MYOCD: variants seen among roughly 807,000 people sequenced by gnomAD.
MYOCD encodes the protein myocardin.
MYOCD carries 32 observed loss-of-function variants against 96.1 expected under a neutral mutation model. The ratio of observed to expected loss-of-function variants is 0.33; its 90% CI spans 0.25 to 0.45. The LOEUF (loss-of-function observed/expected upper bound fraction) is 0.45. Ranked by LOEUF, MYOCD falls within the 20% of genes least tolerant of loss-of-function variation. The pLI is 1.00. For synonymous variants in MYOCD, 469 were observed against 469.0 expected, an observed-to-expected ratio of 1.00 and a Z score of 0.00; for missense variants, 1,133 against 1,200.6, an observed-to-expected ratio of 0.94 and a Z score of 0.83.
chr17:12,739,655 A>G (rs910165339), intron 7 of MYOCD, among the ~76,000 whole-genome samples: 24 of 152,234 alleles, frequency 1.6e-4, no homozygotes, highest in African/African-American at 5.5e-4. Context: ...CAGGATTTGC[A>G]AGTTTCATAA....
rs1555534148 is a variant in MYOCD, at chr17:12,741,715, AT to A, written c.717+2388del. ...ACAGAGCGAGACTCTGTATATATATATAAAAAAAAAAAAAATTAGCAAAGCC... is the reference window on the plus strand; with the variant it reads ...ACAGAGCGAGACTCTGTATATATATAAAAAAAAAAAAAAATTAGCAAAGCC... On this transcript the variant is annotated intron_variant, in intron 7 of 13. Transcript: ENST00000425538. Among the ~76,000 whole-genome samples, 555 of 144,342 alleles carry A rather than the reference AT, an allele frequency of 3.8e-3. 4 individuals carry two copies. Among genetic ancestry groups the A allele is most frequent in the African/African-American group, 0.011 (437 of 39,380 alleles). The allele number at this position is 144,342 out of a possible 152,430, so 94.7% of individuals were successfully genotyped here.
intron 6 of MYOCD, 151 bp from the exon 7 acceptor site, chr17:12,739,052 T>A: frequency 1.3e-6 from 1 of 773,550 alleles, no homozygotes; most frequent in Non-Finnish European, 2.1e-6. Context: ...CATATACGTA[T>A]GTGACTCCTC....
At chr17:12,752,077 C>T (rs2032867445) in intron 9 of MYOCD, among the ~76,000 whole-genome samples, 1 of 152,110 alleles carries the variant, frequency 6.6e-6, no homozygotes, top group Non-Finnish European at 1.5e-5. Flanking sequence ...TGTCTAAACC[C>T]AGGCAGATAT....
rs543470273 is a variant in MYOCD, at chr17:12,706,043, G to GA, written c.121+856dup. The GA allele has an allele frequency of 1.9e-3, 291 of 152,278 alleles. 1 individual carries two copies. The highest frequency in any genetic ancestry group is 6.6e-3 in the African/African-American group (276 of 41,566). 9.4% of individuals were successfully genotyped at this position (152,278 alleles called of 1,614,324 possible). A position where few individuals can be genotyped will look rare whatever the true frequency, so the allele number is the denominator to read the frequency against. On this transcript the variant is annotated intron_variant, in intron 2 of 13. Transcript: ENST00000425538. ...ATAGTGTAGTTAGTTACATTAGTTA[G>GA]AAAAAATGTTGTGTAGTTAGTTATA...
chr17:12,711,924 C>CTTT (rs11388469), intron 2 of MYOCD, among the ~76,000 whole-genome samples: 1 of 134,834 alleles, frequency 7.4e-6, no homozygotes, highest in Non-Finnish European at 1.6e-5. Flanking sequence ...TTTCTTTTTT[C>CTTT]TTTTTTTTTT....
In MYOCD at chr17:12,674,768, T is replaced by C. The variant is rs1909915892; in HGVS notation, c.55+8525T>C. Among the ~76,000 whole-genome samples the C allele has an allele frequency of 2.0e-5, 3 of 152,144 alleles. No homozygotes were observed. In the South Asian group the frequency reaches 6.2e-4, roughly 32 times the overall value. On this transcript the variant is annotated intron_variant, in intron 1 of 13. Transcript: ENST00000425538. ...GACTATCTCTTTGGAAATAAGTAAA[T>C]TGAGATATTTTATGATATACCTTAA...
At chr17:12,752,309 A>G (rs2032872386) in intron 9 of MYOCD, 105 bp from the exon 10 acceptor site, 1 of 933,664 alleles carries the variant, frequency 1.1e-6, no homozygotes, top group African/African-American at 1.6e-5. Context: ...AGAGGTGGGT[A>G]TTGTAGAATT....
intron 1 of MYOCD, among the ~76,000 whole-genome samples, chr17:12,673,661 T>C (rs997940557): frequency 1.3e-5 from 2 of 152,212 alleles, no homozygotes; most frequent in African/African-American, 4.8e-5. Context: ...AAAGAAAATA[T>C]TTTCCTCCCT....
At chr17:12,750,620 T>C (rs1359038923) in intron 9 of MYOCD, among the ~76,000 whole-genome samples, 2 of 151,700 alleles carry the variant, frequency 1.3e-5, no homozygotes, top group Non-Finnish European at 2.9e-5. Flanking sequence ...ACCCGGGAGG[T>C]GGAGGTTGCA....
chr17:12,707,896 G>C (rs2031350515), intron 2 of MYOCD, among the ~76,000 whole-genome samples: 1 of 152,116 alleles, frequency 6.6e-6, no homozygotes, highest in Admixed American at 6.6e-5. Context: ...CATCCTCAGA[G>C]CCTACCTAAT....
chr17:12,667,337 T>A (rs1197426521), intron 1 of MYOCD, among the ~76,000 whole-genome samples: 1 of 152,172 alleles, frequency 6.6e-6, no homozygotes, highest in Admixed American at 6.5e-5. Flanking sequence ...TTTCTTAGGA[T>A]CTTCATTGTT....
At chr17:12,723,045 A>G (rs376377694) in intron 5 of MYOCD, 37 bp downstream of exon 5, 63 of 1,588,124 alleles carry the variant, frequency 4.0e-5, no homozygotes, top group Non-Finnish European at 5.1e-5. Context: ...CCTTGGTGCT[A>G]TTGAGATCTG....
rs180712710 is a variant in MYOCD at position 12,715,483 on chromosome 17, C to T, written c.122-36C>T. 1,579 of 1,601,548 alleles carry T rather than the reference C, an allele frequency of 9.9e-4. 28 individuals are homozygous for T. In the Admixed American group the frequency reaches 0.025, roughly 26 times the overall value. On this transcript the variant is annotated intron_variant, in intron 2 of 13. Transcript: ENST00000425538. ...TGCGATACAGACCAATGCCCTTAAC[C>T]CAGCCTCCACTCACGTTTTTGTGTT...
intron 5 of MYOCD, among the ~76,000 whole-genome samples, chr17:12,733,320 A>AC (rs2032234905): frequency 6.6e-6 from 1 of 151,342 alleles, no homozygotes; most frequent in African/African-American, 2.4e-5. Context: ...AAAAAAAAAA[A>AC]AACAACCAAA....
In MYOCD at chr17:12,765,066, T is replaced by G. The variant is rs1288232441; in HGVS notation, c.*1422T>G. 2.6e-5 allele frequency: 4 copies of G among 152,296 alleles called. No individual in the cohort carries two copies. The East Asian group carries it at 7.7e-4, about 29-fold the overall frequency. The allele number at this position is 152,296 out of a possible 1,614,324, so 9.4% of individuals were successfully genotyped here. ...ACAAGAGAGAATTTCAGATCTGGGTTTTTGAAAGAAAACAGAATTGCGCAT... is the reference window on the plus strand; with the variant it reads ...ACAAGAGAGAATTTCAGATCTGGGTGTTTGAAAGAAAACAGAATTGCGCAT... On this transcript the variant is annotated 3_prime_UTR_variant, in exon 14 of 14. Transcript: ENST00000425538.
chr17:12,678,641 A>T (rs1910249828), intron 1 of MYOCD, among the ~76,000 whole-genome samples: 3 of 152,020 alleles, frequency 2.0e-5, no homozygotes, highest in Non-Finnish European at 2.9e-5. Context: ...TCTCTCCCCC[A>T]CCAAAAAAGA....
At chr17:12,676,245 G>GCACACACACA (rs36211306) in intron 1 of MYOCD, among the ~76,000 whole-genome samples, 19 of 145,676 alleles carry the variant, frequency 1.3e-4, no homozygotes, top group African/African-American at 4.3e-4. Flanking sequence ...GCGCGCGCAC[G>GCACACACACA]CACACACACA....
chr17:12,716,985 CAAAAAAAAAAAAAAAAAAAAAA>C (rs56992216), intron 3 of MYOCD, among the ~76,000 whole-genome samples: 70,421 of 117,070 alleles, frequency 0.6, 20,421 homozygotes, highest in Non-Finnish European at 0.68. Context: ...GATGCTGTCT[CAAAAAAAAAAAAAAAAAAAAAA>C]AAAAAAAAAA....
chr17:12,696,908 G>A lies in MYOCD; in HGVS notation c.56-8220G>A, dbSNP rs114248682. Among the ~76,000 whole-genome samples, 971 of 152,286 alleles carry A rather than the reference G, an allele frequency of 6.4e-3. 8 individuals are homozygous for A. Among genetic ancestry groups the A allele is most frequent in the African/African-American group, 0.022 (934 of 41,550 alleles). On this transcript the variant is annotated intron_variant, in intron 1 of 13. Coordinates refer to ENST00000425538, the MANE Select transcript of MYOCD (RefSeq NM_001146312.3). ...TGGTGAATTCGAGGATTGTAAGGGA[G>A]GAATAGGATGAGCCAGGAGCTAGTT...
Sources: gnomAD v4.1 joint callset for allele counts (sites outside exome capture counted in the v4.1 genomes callset) on GRCh38, gnomAD v4.1.1 for gene constraint, MANE v1.5 for transcripts, NCBI Gene and HGNC (gene_info 2026-07-23, HGNC 2026-07-21) for gene names.